The following KCNMA1 variants were observed in gnomAD, a reference collection of about 807,000 sequenced individuals.
The protein encoded by KCNMA1 is Calcium-activated potassium channel subunit alpha-1.
A neutral mutation model predicts 140.0 loss-of-function variants in KCNMA1; 29 were observed. That is an observed-to-expected ratio of 0.21 (90% CI 0.15 to 0.28). The LOEUF (loss-of-function observed/expected upper bound fraction) is 0.28, where lower values mean the gene tolerates loss of function less well. KCNMA1 is among the 10% of genes least tolerant of loss of function. The pLI is 1.00. For missense variants in KCNMA1, 880 were observed against 1,602.2 expected (o/e 0.55, Z 7.70); for synonymous variants, 612 against 611.9 (o/e 1.00, Z 0.00).
intron 1 of KCNMA1, among the ~76,000 whole-genome samples, chr10:77,442,983 G>A (rs1314836484): frequency 1.3e-5 from 2 of 152,204 alleles, no homozygotes; most frequent in African/African-American, 4.8e-5. Flanking sequence ...CCAAGGTGTG[G>A]GGGAGAGCCC....
At chr10:77,247,901 A>T (rs1412099270) in intron 3 of KCNMA1, among the ~76,000 whole-genome samples, 1 of 152,124 alleles carries the variant, frequency 6.6e-6, no homozygotes, top group Non-Finnish European at 1.5e-5. Context: ...AGCTCTGAGG[A>T]CAATCTGTCT....
At chr10:77,121,073 T>C (rs1402934374) in intron 5 of KCNMA1, 25 bp from the exon 6 acceptor site, 1 of 1,341,232 alleles carries the variant, frequency 7.5e-7, no homozygotes, top group African/African-American at 1.4e-5. Context: ...GAAATAGAGA[T>C]GCATTATTTT....
intron 10 of KCNMA1, among the ~76,000 whole-genome samples, chr10:77,087,342 T>A (rs553915543): frequency 6.6e-6 from 1 of 152,348 alleles, no homozygotes; most frequent in African/African-American, 2.4e-5. Context: ...GATAGATAGA[T>A]GTATCAATAT....
chr10:77,423,264 C>G (rs2096906174), intron 1 of KCNMA1, among the ~76,000 whole-genome samples: 1 of 152,216 alleles, frequency 6.6e-6, no homozygotes. Flanking sequence ...TTTGCCCTAT[C>G]TTGGGCTCCA....
intron 2 of KCNMA1, among the ~76,000 whole-genome samples, chr10:77,262,358 G>A (rs61868372): frequency 3.3e-3 from 505 of 152,324 alleles, no homozygotes; most frequent in Non-Finnish European, 4.4e-3. Context: ...AACTAGAGTA[G>A]TCACATTCAT....
chr10:76,922,547 T>C (rs996971685), intron 23 of KCNMA1, among the ~76,000 whole-genome samples: 15 of 152,114 alleles, frequency 9.9e-5, no homozygotes, highest in African/African-American at 3.6e-4. Flanking sequence ...CTAGGGCCTG[T>C]CCGTATTCTC....
At chr10:77,586,748 G>C (rs558232569) in intron 1 of KCNMA1, among the ~76,000 whole-genome samples, 1 of 152,302 alleles carries the variant, frequency 6.6e-6, no homozygotes, top group South Asian at 2.1e-4. Context: ...TACCAGTGGA[G>C]TACTTATTTG....
At chr10:77,468,183 T>C (rs2098074661) in intron 1 of KCNMA1, among the ~76,000 whole-genome samples, 1 of 152,090 alleles carries the variant, frequency 6.6e-6, no homozygotes, top group Non-Finnish European at 1.5e-5. Context: ...AATTTTTGTA[T>C]TTTTGGTAGA....
At chr10:77,185,086 G>C (rs2098837921) in intron 3 of KCNMA1, among the ~76,000 whole-genome samples, 170 bp from the exon 4 acceptor site, 1 of 151,952 alleles carries the variant, frequency 6.6e-6, no homozygotes, top group East Asian at 1.9e-4. Context: ...CATTGCCAAG[G>C]GGTCTTTCCA....
Position 76,900,910 on chromosome 10 carries a change from A to AAAC in KCNMA1, c.3147+9055_3147+9056insGTT, listed in dbSNP as rs1284311444. The stretch of plus-strand genomic sequence containing the variant: ...TCCCTATTTGTTAAAAAAAAAAAAA[A>AAAC]CCCAGTACATTTGCCTCAATATAAT... On this transcript the variant is annotated intron_variant, in intron 25 of 27. Transcript: ENST00000286628. Among the ~76,000 whole-genome samples, 618 of 141,762 alleles carry AAAC rather than the reference A, an allele frequency of 4.4e-3. 4 individuals carry two copies. The highest frequency in any genetic ancestry group is 0.015 in the African/African-American group (580 of 39,628). The allele number at this position is 141,762 out of a possible 152,430, so 93.0% of individuals were successfully genotyped here.
intron 24 of KCNMA1, chr10:76,914,026 T>C (rs2051553635): frequency 2.0e-6 from 3 of 1,470,876 alleles, no homozygotes; most frequent in Admixed American, 2.0e-5. Flanking sequence ...CAAAAGGAGA[T>C]ACTGATGTGA....
intron 2 of KCNMA1, chr10:77,304,282 T>C (rs145382204): frequency 2.0e-4 from 30 of 152,368 alleles, no homozygotes; most frequent in African/African-American, 6.7e-4. Flanking sequence ...AATAATATTA[T>C]CTTGCCATCT....
intron 5 of KCNMA1, among the ~76,000 whole-genome samples, chr10:77,123,010 C>G (rs1271629972): frequency 8.4e-6 from 1 of 118,830 alleles, no homozygotes; most frequent in Non-Finnish European, 1.8e-5. Context: ...AACCCCGTCT[C>G]TACTAAAAAA....
intron 1 of KCNMA1, among the ~76,000 whole-genome samples, chr10:77,537,351 C>A (rs1289756160): frequency 6.6e-6 from 1 of 152,188 alleles, no homozygotes. Context: ...GAACACCACC[C>A]CAGCAGAACC....
chr10:77,567,494 G>C (rs2068796541), intron 1 of KCNMA1, among the ~76,000 whole-genome samples: 1 of 152,162 alleles, frequency 6.6e-6, no homozygotes, highest in Non-Finnish European at 1.5e-5. Flanking sequence ...CAGTCCCTTT[G>C]TTCATCTCAG....
chr10:77,598,452 G>A (rs575363911), intron 1 of KCNMA1, among the ~76,000 whole-genome samples: 1 of 152,304 alleles, frequency 6.6e-6, no homozygotes, highest in Admixed American at 6.5e-5. Flanking sequence ...AAGTGGAAGG[G>A]TCCACCCTAG....
chr10:77,430,702 G>A lies in KCNMA1; in HGVS notation c.379-26679C>T, dbSNP rs148415730. On this transcript the variant is annotated intron_variant, in intron 1 of 27. Transcript: ENST00000286628. ...TGGTCATAACAAGGGAGGGTGCAAG[G>A]AGGCGCCATCCACTTACATCATGTC... Among the ~76,000 whole-genome samples the A allele has an allele frequency of 2.6e-5, 4 of 152,312 alleles. No individual in the cohort carries two copies. In the East Asian group the frequency reaches 7.7e-4, roughly 29 times the overall value.
intron 19 of KCNMA1, among the ~76,000 whole-genome samples, chr10:76,981,926 C>T (rs186756975): frequency 7.2e-5 from 11 of 152,230 alleles, no homozygotes; most frequent in Admixed American, 2.0e-4. Context: ...GCTACAGAGG[C>T]GATGTTGCAA....
intron 2 of KCNMA1, among the ~76,000 whole-genome samples, chr10:77,359,673 G>A (rs1470607538): frequency 6.6e-6 from 1 of 152,202 alleles, no homozygotes; most frequent in African/African-American, 2.4e-5. Flanking sequence ...GAAGTCTTGA[G>A]GCATGTCCAG....
Sources: allele counts gnomAD v4.1 joint callset (sites outside exome capture counted in the v4.1 genomes callset), GRCh38; gene constraint gnomAD v4.1.1; transcripts MANE v1.5; gene names NCBI Gene and HGNC (gene_info 2026-07-23, HGNC 2026-07-21).